Variants in UNC13C observed in about 807,000 individuals in gnomAD.
UNC13C encodes the protein unc-13 homolog C.
Under a neutral mutation model 245.4 loss-of-function variants are expected in UNC13C, and 174 were observed. The observed-to-expected ratio is 0.71, with a 90% CI of 0.63 to 0.80. The LOEUF (loss-of-function observed/expected upper bound fraction) is 0.80, where lower values mean the gene tolerates loss of function less well. Ranked by LOEUF, UNC13C falls within the 30% of genes least tolerant of loss-of-function variation. The pLI is 0.00. For synonymous variants in UNC13C, 992 were observed against 895.1 expected, an observed-to-expected ratio of 1.11 and a Z score of -1.93; for missense variants, 2,829 against 2,602.9, an observed-to-expected ratio of 1.09 and a Z score of -1.89.
At chr15:53,969,122 A>C in the UNC13C span, among the ~76,000 whole-genome samples, 1,077 of 152,322 alleles carry the variant, frequency 7.1e-3, 7 homozygotes, top group African/African-American at 0.024. Flanking sequence ...GAGTTCAGAG[A>C]TCTATCCACA....
At chr15:54,193,940 G>T (rs1217788851) in intron 4 of UNC13C, among the ~76,000 whole-genome samples, 1 of 152,176 alleles carries the variant, frequency 6.6e-6, no homozygotes, top group Non-Finnish European at 1.5e-5. Flanking sequence ...CTACTGAAGA[G>T]AACAGAGGTA....
At chr15:54,072,273 C>A (rs761680673) in intron 2 of UNC13C, among the ~76,000 whole-genome samples, 13 of 151,960 alleles carry the variant, frequency 8.6e-5, no homozygotes, top group East Asian at 1.9e-4. Context: ...TGCCAAACGC[C>A]CAGCCTAAAA....
chr15:54,261,366 A>G lies in UNC13C; in HGVS notation c.3449-2802A>G, dbSNP rs191806678. ...TTTAAGAAAGAGTTTCATTAGAAAC[A>G]TAAGATATGTGGGTTTGATAAAGCA... is the stretch of plus-strand genomic sequence containing the variant. On this transcript the variant is annotated intron_variant, in intron 8 of 32. Transcript: ENST00000260323. Among the ~76,000 whole-genome samples, 443 of 152,362 alleles carry G rather than the reference A, an allele frequency of 2.9e-3. 3 individuals are homozygous for G. The highest frequency in any genetic ancestry group is 4.4e-3 in the Non-Finnish European group (297 of 68,028).
chr15:53,995,324 A>G (rs752272326), intron 1 of UNC13C, among the ~76,000 whole-genome samples: 7 of 152,046 alleles, frequency 4.6e-5, no homozygotes, highest in East Asian at 1.9e-4. Flanking sequence ...TTAAATTGGT[A>G]TCTTACTACC....
intron 30 of UNC13C, among the ~76,000 whole-genome samples, chr15:54,574,867 A>G (rs1897892610): frequency 6.6e-6 from 1 of 152,154 alleles, no homozygotes; most frequent in African/African-American, 2.4e-5. Context: ...GTAGAGTATA[A>G]TGTATTTTAA....
intron 2 of UNC13C, among the ~76,000 whole-genome samples, chr15:54,091,846 G>A (rs1899591711): frequency 6.6e-6 from 1 of 151,872 alleles, no homozygotes; most frequent in Middle Eastern, 3.2e-3. Flanking sequence ...CCTGCTTCCA[G>A]CATTTTCTCG....
intron 29 of UNC13C, among the ~76,000 whole-genome samples, chr15:54,564,347 G>A (rs757544200): frequency 3.9e-5 from 6 of 152,070 alleles, no homozygotes; most frequent in South Asian, 2.1e-4. Context: ...GTTGAGTATC[G>A]TAATCTAAAA....
chr15:54,213,209 T>C (rs2034940509), intron 4 of UNC13C, among the ~76,000 whole-genome samples: 1 of 152,026 alleles, frequency 6.6e-6, no homozygotes, highest in Admixed American at 6.6e-5. Flanking sequence ...CATTAGGTTA[T>C]ACCCTATAAA....
At chr15:54,004,298 A>G (rs191521577) in intron 1 of UNC13C, among the ~76,000 whole-genome samples, 2 of 152,324 alleles carry the variant, frequency 1.3e-5, no homozygotes, top group Admixed American at 1.3e-4. Flanking sequence ...TTCACTTAAC[A>G]TAACTCCAGT....
intron 13 of UNC13C, among the ~76,000 whole-genome samples, chr15:54,317,645 T>TACAA (rs1290230007): frequency 2.6e-5 from 4 of 151,986 alleles, no homozygotes; most frequent in Admixed American, 2.6e-4. Context: ...ATTTATCATG[T>TACAA]ACAATATGAT....
chr15:54,398,252 AC>A (rs1329703267), intron 18 of UNC13C, among the ~76,000 whole-genome samples: 1 of 151,440 alleles, frequency 6.6e-6, no homozygotes, highest in Non-Finnish European at 1.5e-5. Flanking sequence ...GGTGAATTGA[AC>A]TAAGGAATTT....
intron 17 of UNC13C, among the ~76,000 whole-genome samples, chr15:54,371,046 C>T (rs1391524662): frequency 1.3e-5 from 2 of 152,058 alleles, no homozygotes; most frequent in Non-Finnish European, 1.5e-5. Context: ...TCTCTTAGCA[C>T]TTTTCAAGAA....
chr15:54,348,317 C>T (rs889592190), intron 17 of UNC13C, among the ~76,000 whole-genome samples: 4 of 152,108 alleles, frequency 2.6e-5, no homozygotes, highest in African/African-American at 9.7e-5. Flanking sequence ...GATTTTGAGC[C>T]ATCTTGTACC....
chr15:54,057,378 T>C (rs1897583007), intron 2 of UNC13C, among the ~76,000 whole-genome samples: 1 of 151,144 alleles, frequency 6.6e-6, no homozygotes, highest in African/African-American at 2.4e-5. Context: ...CATTACATAA[T>C]GGTAAAGGGA....
At chr15:54,464,431 AT>A (rs943660890) in intron 19 of UNC13C, among the ~76,000 whole-genome samples, 5 of 152,004 alleles carry the variant, frequency 3.3e-5, no homozygotes, top group African/African-American at 4.8e-5. Context: ...GAAGCATTAC[AT>A]TTTTTTATTC....
intron 13 of UNC13C, among the ~76,000 whole-genome samples, chr15:54,311,235 G>A (rs938642130): frequency 2.6e-5 from 4 of 151,642 alleles, no homozygotes; most frequent in African/African-American, 9.7e-5. Flanking sequence ...TAAATCCCAA[G>A]TCACTAGTTA....
the UNC13C span, among the ~76,000 whole-genome samples, chr15:53,903,904 A>T: frequency 6.6e-6 from 1 of 152,182 alleles, no homozygotes. Context: ...TCCATCTGAG[A>T]TAGAGAGCAA....
intron 2 of UNC13C, among the ~76,000 whole-genome samples, chr15:54,098,671 A>G (rs1900009631): frequency 6.6e-6 from 1 of 152,130 alleles, no homozygotes; most frequent in Non-Finnish European, 1.5e-5. Flanking sequence ...AATAAATTAC[A>G]TTTTTCTAAG....
chr15:54,479,059 G>C (rs1032450683), intron 19 of UNC13C, among the ~76,000 whole-genome samples: 2 of 151,942 alleles, frequency 1.3e-5, no homozygotes, highest in South Asian at 2.1e-4. Flanking sequence ...GAGGGTATCT[G>C]TTCACCAAGG....
Sources: gnomAD v4.1 joint callset for allele counts (sites outside exome capture counted in the v4.1 genomes callset) on GRCh38, gnomAD v4.1.1 for gene constraint, MANE v1.5 for transcripts, NCBI Gene and HGNC (gene_info 2026-07-23, HGNC 2026-07-21) for gene names.